NOP9: variants seen among roughly 807,000 people sequenced by gnomAD.
NOP9 encodes nucleolar protein 9.
A neutral mutation model predicts 63.0 loss-of-function variants in NOP9; 50 were observed. The ratio of observed to expected loss-of-function variants is 0.79; its 90% CI spans 0.63 to 1.00. The LOEUF (loss-of-function observed/expected upper bound fraction) is 1.00. Among genes scored for constraint, NOP9 ranks in the 50% least tolerant of loss-of-function variants. The pLI is 0.00. For missense variants in NOP9, 758 were observed against 803.0 expected, an observed-to-expected ratio of 0.94 and a Z score of 0.68; for synonymous variants, 343 against 332.8, an observed-to-expected ratio of 1.03 and a Z score of -0.33.
chr14:24,291,469 A>T, the NOP9 span: 1 of 1,418,100 alleles, frequency 7.1e-7, no homozygotes, highest in Non-Finnish European at 1.0e-6. Context: ...TCCTCAACCA[A>T]CTCCCGAGCC....
rs760675891 is a variant in NOP9, at chr14:24,307,539, A to G, written c.*2444A>G. 5 of 1,609,072 alleles carry G rather than the reference A, an allele frequency of 3.1e-6. No individual in the cohort carries two copies. The highest frequency in any genetic ancestry group is 4.2e-6 in the Non-Finnish European group (5 of 1,176,876). ...ACCTGGTAGTTGAGAAGAAAAGTCA[A>G]GAAGGGGCGAGGAGGGGCTTGGTGA... On this transcript the variant is annotated 3_prime_UTR_variant, in exon 10 of 10. Coordinates refer to ENST00000267425, the MANE Select transcript of NOP9 (RefSeq NM_174913.3).
upstream of NOP9, among the ~76,000 whole-genome samples, chr14:24,296,025 G>GC (rs2041242270): frequency 6.6e-6 from 1 of 152,222 alleles, no homozygotes; most frequent in African/African-American, 2.4e-5. Flanking sequence ...ATGACCCTGT[G>GC]TGACCCAGTG....
chr14:24,286,867 C>T, the NOP9 span, among the ~76,000 whole-genome samples: 1 of 151,410 alleles, frequency 6.6e-6, no homozygotes, highest in East Asian at 1.9e-4. Flanking sequence ...GCTGGGATTA[C>T]AGGTGTGTGT....
At chr14:24,303,044 G>A in intron 5 of NOP9, 30 bp from the exon 6 acceptor site, 1 of 1,501,726 alleles carries the variant, frequency 6.7e-7, no homozygotes, top group Non-Finnish European at 8.9e-7. Flanking sequence ...TTACCAGAAT[G>A]CCAGAGTTAC....
the NOP9 span, among the ~76,000 whole-genome samples, chr14:24,280,428 G>A: frequency 2.0e-5 from 3 of 152,142 alleles, no homozygotes; most frequent in Admixed American, 6.5e-5. Context: ...AGGTCCTGTG[G>A]TGCCTGCATT....
chr14:24,292,442 C>T, the NOP9 span: 4 of 1,522,802 alleles, frequency 2.6e-6, no homozygotes, highest in Admixed American at 3.8e-5. Context: ...CCCAGGAGCC[C>T]CAAGGTCTCA....
chr14:24,302,164 G>T lies in NOP9; in HGVS notation c.950+58G>T, dbSNP rs552303131. ...GGCGGGGCTGTGTGAAATGAATGAG[G>T]TGATGTAGTGCAACTGTATTTTGCA... On this transcript the variant is annotated intron_variant, in intron 4 of 9. Transcript: ENST00000267425. 553 of 1,601,760 alleles carry T rather than the reference G, an allele frequency of 3.5e-4. 4 individuals are homozygous for T. The South Asian group carries it at 5.9e-3, about 17-fold the overall frequency.
the NOP9 span, among the ~76,000 whole-genome samples, chr14:24,287,266 C>T: frequency 1.1e-3 from 173 of 152,300 alleles, 1 homozygote; most frequent in African/African-American, 4.0e-3. Flanking sequence ...ACTGCTTTGC[C>T]CTGGGTGGCA....
upstream of NOP9, chr14:24,296,417 G>A: frequency 2.4e-6 from 3 of 1,250,998 alleles, no homozygotes; most frequent in Non-Finnish European, 3.5e-6. Flanking sequence ...GGGGAGGCCG[G>A]AGGGAAAAGG....
upstream of NOP9, chr14:24,299,073 C>T (rs745900117): frequency 6.2e-7 from 1 of 1,613,964 alleles, no homozygotes; most frequent in Admixed American, 1.7e-5. Flanking sequence ...GCACCAGTCA[C>T]CACACACACT....
upstream of NOP9, among the ~76,000 whole-genome samples, chr14:24,297,582 C>A (rs2041273284): frequency 1.3e-5 from 2 of 152,198 alleles, no homozygotes. Context: ...ATTAATTCTT[C>A]ATAATCCAGC....
the NOP9 span, chr14:24,292,368 C>G: frequency 1.9e-6 from 3 of 1,611,408 alleles, no homozygotes; most frequent in South Asian, 1.1e-5. Context: ...AGCCACCTAG[C>G]CATGTCACTT....
rs1366130591 is a variant in NOP9, at chr14:24,305,444, A to G, written c.*349A>G. ...TGGCTAGGAAAGAACAGCATTCTTC[A>G]GGTAAGGGTATAGACTTGGGATGTG... On this transcript the variant is annotated 3_prime_UTR_variant, in exon 10 of 10. Transcript: ENST00000267425. 4 of 675,520 alleles carry G rather than the reference A, an allele frequency of 5.9e-6. No homozygotes were observed. The highest frequency in any genetic ancestry group is 9.4e-6 in the Non-Finnish European group (4 of 423,566). The allele number at this position is 675,520 out of a possible 1,614,324, so 41.8% of individuals were successfully genotyped here. A position where few individuals can be genotyped will look rare whatever the true frequency, so the allele number is the denominator to read the frequency against.
intron 5 of NOP9, among the ~76,000 whole-genome samples, 194 bp downstream of exon 5, chr14:24,302,618 G>C (rs1388299784): frequency 6.6e-6 from 1 of 152,210 alleles, no homozygotes; most frequent in Non-Finnish European, 1.5e-5. Flanking sequence ...ACTTCTCTCA[G>C]GTATGAGGAC....
chr14:24,308,935 G>A lies in NOP9; in HGVS notation c.*3840G>A, dbSNP rs941618172. On this transcript the variant is annotated 3_prime_UTR_variant, in exon 10 of 10. Transcript: ENST00000267425. The stretch of plus-strand genomic sequence containing the variant: ...AGAGCCTTGAAAAGGTATTCAGGTT[G>A]TTGCCCAAAACACTGAAAAAAACTG... The A allele has an allele frequency of 1.3e-5, 2 of 152,198 alleles. No individual in the cohort carries two copies. The highest frequency in any genetic ancestry group is 6.5e-5 in the Admixed American group (1 of 15,286). The allele number at this position is 152,198 out of a possible 1,614,324, so 9.4% of individuals were successfully genotyped here. A position where few individuals can be genotyped will look rare whatever the true frequency, so the allele number is the denominator to read the frequency against.
At chr14:24,301,760 T>C in intron 3 of NOP9, 38 bp downstream of exon 3, 7 of 1,602,198 alleles carry the variant, frequency 4.4e-6, no homozygotes, top group Non-Finnish European at 6.0e-6. Flanking sequence ...CGTATCTACT[T>C]GTCTGGAGGT....
chr14:24,280,233 A>G, the NOP9 span, among the ~76,000 whole-genome samples: 2 of 152,116 alleles, frequency 1.3e-5, no homozygotes, highest in African/African-American at 4.8e-5. Context: ...TAGAAGGACA[A>G]CTCTGTCAAC....
At chr14:24,280,616 C>T in the NOP9 span, among the ~76,000 whole-genome samples, 227 of 152,326 alleles carry the variant, frequency 1.5e-3, no homozygotes, top group Admixed American at 7.4e-3. Flanking sequence ...TATTGAGCGC[C>T]AGTACAGCTC....
At chr14:24,299,449 C>A, upstream of NOP9, 1 of 247,234 alleles carries the variant, frequency 4.0e-6, no homozygotes, top group Non-Finnish European at 7.9e-6. Context: ...CACGCAGAGT[C>A]CTGGGCTATC....
Sources: allele counts gnomAD v4.1 joint callset (sites outside exome capture counted in the v4.1 genomes callset), GRCh38; gene constraint gnomAD v4.1.1; transcripts MANE v1.5; gene names NCBI Gene and HGNC (gene_info 2026-07-23, HGNC 2026-07-21).